VPS13B: variants seen among roughly 807,000 people sequenced by gnomAD.
The protein encoded by VPS13B is intermembrane lipid transfer protein VPS13B.
VPS13B carries 285 observed loss-of-function variants against 426.4 expected under a neutral mutation model. The observed-to-expected ratio is 0.67, with a 90% CI of 0.61 to 0.74. The LOEUF is 0.74. Ranked by LOEUF, VPS13B falls within the 30% of genes least tolerant of loss-of-function variation. The pLI is 0.00. For missense variants in VPS13B, 4,537 were observed against 4,782.6 expected, an observed-to-expected ratio of 0.95 and a Z score of 1.51; for synonymous variants, 1,676 against 1,676.4, an observed-to-expected ratio of 1.00 and a Z score of 0.01.
chr8:99,056,093 G>C (rs759033653), intron 3 of VPS13B, among the ~76,000 whole-genome samples: 4 of 151,674 alleles, frequency 2.6e-5, no homozygotes, highest in Non-Finnish European at 5.9e-5. Flanking sequence ...ATTTTGCTCT[G>C]TTGCTGAGGG....
intron 17 of VPS13B, among the ~76,000 whole-genome samples, chr8:99,269,720 A>G (rs966356923): frequency 1.3e-5 from 2 of 152,172 alleles, no homozygotes; most frequent in Non-Finnish European, 2.9e-5. Context: ...TGAGAGAAGT[A>G]TTCCTGTGAG....
Position 99,776,917 on chromosome 8 carries a change from G to T in VPS13B, c.7390G>T (p.Glu2464Ter). The part of the protein sequence containing the change: ...LCVSFQFAHL[E>*]FHLCHHLDQL... ...CGTTTCTTTCCAGTTTGCTCACCTG[G>T]AATTCCATCTTTGTCATCACCTTGA... The change falls in exon 41 of 62, where the codon GAA (glutamate) becomes TAA (stop). Residue 2464 changes from glutamate to a stop codon, truncating the protein, a stop_gained. Coordinates refer to ENST00000357162, the MANE Select transcript of VPS13B (RefSeq NM_152564.5). LOFTEE classifies it high-confidence loss of function. The T allele has an allele frequency of 1.2e-6, 2 of 1,613,976 alleles. No individual in the cohort carries two copies. The highest frequency in any genetic ancestry group is 1.7e-6 in the Non-Finnish European group (2 of 1,179,936).
intron 8 of VPS13B, 27 bp from the exon 9 acceptor site, chr8:99,134,604 AT>A: frequency 6.5e-7 from 1 of 1,532,930 alleles, no homozygotes; most frequent in African/African-American, 1.4e-5. Flanking sequence ...ACTAAATTTG[AT>A]TTACTTAATA....
chr8:99,854,213 C>T lies in VPS13B; in HGVS notation c.10824C>T (p.His3608=), dbSNP rs114818249. The change falls in exon 56 of 62, where the codon CAC becomes CAT. Residue 3608 remains histidine, a synonymous_variant. Coordinates refer to ENST00000357162, the MANE Select transcript of VPS13B (RefSeq NM_152564.5). ...TCACCACTGCGAGGCAGCTTGTGCA[C>T]GCCCTGGCAATGCACTATGCCGCTG... ...PIFTTARQLV[H]ALAMHYAAGA... is the part of the protein sequence containing the mutation. 453 of 1,614,050 alleles carry T rather than the reference C, an allele frequency of 2.8e-4. 1 individual carries two copies. In the African/African-American group the frequency reaches 4.0e-3, roughly 14 times the overall value.
chr8:99,393,597 C>G (rs1814567679), intron 21 of VPS13B, among the ~76,000 whole-genome samples: 1 of 151,992 alleles, frequency 6.6e-6, no homozygotes, highest in Non-Finnish European at 1.5e-5. Flanking sequence ...ATTATTTCAC[C>G]AAATGTATAT....
At chr8:99,777,998 G>A (rs1356437146) in intron 41 of VPS13B, among the ~76,000 whole-genome samples, 4 of 152,094 alleles carry the variant, frequency 2.6e-5, no homozygotes, top group East Asian at 3.9e-4. Flanking sequence ...TTGGGAGGCC[G>A]AGGCGGGTGG....
intron 19 of VPS13B, among the ~76,000 whole-genome samples, chr8:99,298,029 C>T (rs945324821): frequency 6.6e-6 from 1 of 152,118 alleles, no homozygotes; most frequent in Non-Finnish European, 1.5e-5. Context: ...CTGACAGTAA[C>T]TTTATTAAAG....
At position 99,179,274 on chromosome 8, in the gene VPS13B, TG is replaced by T. The variant is rs1482533063; in HGVS notation, c.2333+9112del. Among the ~76,000 whole-genome samples, 17 of 152,302 alleles carry T rather than the reference TG, an allele frequency of 1.1e-4. No homozygotes were observed. In the South Asian group the frequency reaches 3.3e-3, roughly 30 times the overall value. ...TAACTCATACATCTGCAGCCAAGTT[TG>T]TTTGTTTGTTTGGCTTGTTTTTGGA... On this transcript the variant is annotated intron_variant, in intron 16 of 61. Coordinates refer to ENST00000357162, the MANE Select transcript of VPS13B (RefSeq NM_152564.5).
intron 23 of VPS13B, among the ~76,000 whole-genome samples, chr8:99,458,844 A>G (rs1454561961): frequency 2.6e-5 from 4 of 152,136 alleles, no homozygotes; most frequent in South Asian, 2.1e-4. Flanking sequence ...AGTAGATTGC[A>G]AAAATTTTCT....
At chr8:99,413,955 G>A (rs1815839783) in intron 21 of VPS13B, among the ~76,000 whole-genome samples, 1 of 152,178 alleles carries the variant, frequency 6.6e-6, no homozygotes, top group Admixed American at 6.5e-5. Context: ...GCTTGGTCCA[G>A]AGCTGAGTTC....
chr8:99,356,960 ATATT>A (rs1400144354), intron 19 of VPS13B, among the ~76,000 whole-genome samples: 1 of 151,998 alleles, frequency 6.6e-6, no homozygotes, highest in African/African-American at 2.4e-5. Flanking sequence ...GCTTTCTGAA[ATATT>A]TATTATAGAA....
chr8:99,867,858 G>T (rs1817185043), intron 58 of VPS13B, among the ~76,000 whole-genome samples: 1 of 152,174 alleles, frequency 6.6e-6, no homozygotes, highest in South Asian at 2.1e-4. Context: ...AAAGTGGAGA[G>T]TTAGAAAGGG....
At chr8:99,352,842 A>G (rs975735024) in intron 19 of VPS13B, among the ~76,000 whole-genome samples, 5 of 152,020 alleles carry the variant, frequency 3.3e-5, no homozygotes, top group African/African-American at 4.8e-5. Context: ...AAACAAACAA[A>G]CAAACAGTTT....
intron 31 of VPS13B, 116 bp from the exon 32 acceptor site, chr8:99,575,542 A>C (rs1825735629): frequency 1.5e-6 from 2 of 1,328,032 alleles, no homozygotes; most frequent in Non-Finnish European, 2.1e-6. Context: ...AGGCACTCTC[A>C]AAATAATAAT....
intron 8 of VPS13B, among the ~76,000 whole-genome samples, chr8:99,124,592 A>C (rs909453415): frequency 2.0e-5 from 3 of 152,166 alleles, no homozygotes; most frequent in Admixed American, 2.0e-4. Flanking sequence ...CAGCCATAAA[A>C]AAATGAAATT....
intron 31 of VPS13B, among the ~76,000 whole-genome samples, chr8:99,564,170 C>G (rs145129853): frequency 6.2e-4 from 94 of 152,210 alleles, no homozygotes; most frequent in Non-Finnish European, 1.2e-3. Context: ...TCTTCTGTTC[C>G]TAAAACCTTA....
intron 19 of VPS13B, among the ~76,000 whole-genome samples, chr8:99,309,531 A>G (rs961076527): frequency 4.6e-5 from 7 of 151,974 alleles, no homozygotes; most frequent in Admixed American, 4.6e-4. Context: ...GTTCTGTTCC[A>G]TTGGTCTATA....
intron 17 of VPS13B, among the ~76,000 whole-genome samples, chr8:99,206,303 G>A (rs1814716947): frequency 6.6e-6 from 1 of 152,118 alleles, no homozygotes. Flanking sequence ...CCTCATTTAA[G>A]TTATGTCTTA....
At chr8:99,182,819 C>T (rs1813015506) in intron 16 of VPS13B, among the ~76,000 whole-genome samples, 1 of 152,228 alleles carries the variant, frequency 6.6e-6, no homozygotes, top group African/African-American at 2.4e-5. Context: ...TCACTGCAAC[C>T]TCTTTCTCCC....
Sources: allele counts gnomAD v4.1 joint callset (sites outside exome capture counted in the v4.1 genomes callset), GRCh38; gene constraint gnomAD v4.1.1; transcripts MANE v1.5; gene names NCBI Gene and HGNC (gene_info 2026-07-23, HGNC 2026-07-21).